The following PRKG1 variants were observed in gnomAD, a reference collection of about 807,000 sequenced individuals.
PRKG1 encodes the protein protein kinase cGMP-dependent 1.
PRKG1 carries 35 observed loss-of-function variants against 88.1 expected under a neutral mutation model. The ratio of observed to expected loss-of-function variants is 0.40; its 90% confidence interval spans 0.30 to 0.53. The LOEUF (loss-of-function observed/expected upper bound fraction) is 0.53. Among genes scored for constraint, PRKG1 ranks in the 20% least tolerant of loss-of-function variants. PRKG1 has a pLI of 0.59. For missense variants in PRKG1, 540 were observed against 839.8 expected, an observed-to-expected ratio of 0.64 and a Z score of 4.41; for synonymous variants, 303 against 292.5, an observed-to-expected ratio of 1.04 and a Z score of -0.37.
chr10:51,900,906 C>A (rs1334795599), intron 4 of PRKG1, among the ~76,000 whole-genome samples: 1 of 151,914 alleles, frequency 6.6e-6, no homozygotes, highest in Non-Finnish European at 1.5e-5. Flanking sequence ...CACACAATAT[C>A]AAAAACATGT....
intron 5 of PRKG1, among the ~76,000 whole-genome samples, chr10:51,956,514 C>T (rs1843306662): frequency 6.6e-6 from 1 of 151,846 alleles, no homozygotes; most frequent in South Asian, 2.1e-4. Flanking sequence ...TCCAAGATTC[C>T]ACCATTAATC....
intron 4 of PRKG1, among the ~76,000 whole-genome samples, chr10:51,874,598 G>A (rs1057267731): frequency 2.6e-5 from 4 of 152,074 alleles, no homozygotes; most frequent in Admixed American, 2.6e-4. Flanking sequence ...AAGCTTTGCT[G>A]GTACCTTAGC....
chr10:51,349,534 T>A (rs1253311471), intron 2 of PRKG1, among the ~76,000 whole-genome samples: 1 of 150,150 alleles, frequency 6.7e-6, no homozygotes, highest in African/African-American at 2.5e-5. Context: ...TTAGATGAAG[T>A]CTTGCTCTGA....
intron 7 of PRKG1, among the ~76,000 whole-genome samples, chr10:52,096,971 C>T (rs1847187596): frequency 6.6e-6 from 1 of 152,074 alleles, no homozygotes; most frequent in Non-Finnish European, 1.5e-5. Context: ...TATGCATTAT[C>T]TAAGTTAATT....
intron 4 of PRKG1, among the ~76,000 whole-genome samples, chr10:51,857,632 G>GTTATT (rs1198279574): frequency 6.6e-6 from 1 of 152,088 alleles, no homozygotes; most frequent in Non-Finnish European, 1.5e-5. Context: ...TTGTTTGCGT[G>GTTATT]TTATTTTATT....
rs776744635 is a variant in PRKG1 at position 51,804,741 on chromosome 10, T to A, written c.698+51T>A. ...AGAGTGTTTACTTTCCTTTTAGCCC[T>A]ATTATCTGAAATGCAGCACCCTGAA... On this transcript the variant is annotated intron_variant, in intron 4 of 17. Transcript: ENST00000373980. The A allele has an allele frequency of 3.8e-6, 5 of 1,327,826 alleles. No homozygotes were observed. In the East Asian group the frequency reaches 1.2e-4, roughly 31 times the overall value. The allele number at this position is 1,327,826 out of a possible 1,614,324, so 82.3% of individuals were successfully genotyped here. A position where few individuals can be genotyped will look rare whatever the true frequency, so the allele number is the denominator to read the frequency against.
intron 2 of PRKG1, among the ~76,000 whole-genome samples, chr10:51,270,668 A>G (rs966754444): frequency 6.6e-6 from 1 of 151,850 alleles, no homozygotes; most frequent in Non-Finnish European, 1.5e-5. Context: ...GAAAAAAATC[A>G]GTTTTTTAAA....
At chr10:51,617,102 T>A (rs943914751) in intron 3 of PRKG1, among the ~76,000 whole-genome samples, 3 of 152,092 alleles carry the variant, frequency 2.0e-5, no homozygotes, top group African/African-American at 7.2e-5. Flanking sequence ...GTATGTTAGT[T>A]TTGAGACCCA....
chr10:52,148,957 C>CTTTTTTTTTTTTTTTTTTT (rs71904885), intron 8 of PRKG1, among the ~76,000 whole-genome samples: 2 of 55,160 alleles, frequency 3.6e-5, no homozygotes, highest in African/African-American at 1.5e-4. Flanking sequence ...GATAGTTTTG[C>CTTTTTTTTTTTTTTTTTTT]TTTTTTTTTT....
intron 3 of PRKG1, among the ~76,000 whole-genome samples, chr10:51,536,757 G>A (rs1842161762): frequency 6.6e-6 from 1 of 151,064 alleles, no homozygotes; most frequent in Admixed American, 6.6e-5. Context: ...CCATTAACTC[G>A]TCATTTAGCA....
intron 2 of PRKG1, among the ~76,000 whole-genome samples, chr10:51,380,008 T>G (rs774625500): frequency 3.3e-5 from 5 of 152,312 alleles, no homozygotes; most frequent in Middle Eastern, 6.8e-3. Context: ...AGAGATACTG[T>G]GCTGTTTTCA....
intron 2 of PRKG1, among the ~76,000 whole-genome samples, chr10:51,214,590 T>C (rs1256749808): frequency 6.6e-6 from 1 of 152,060 alleles, no homozygotes; most frequent in Non-Finnish European, 1.5e-5. Flanking sequence ...CAAATGATTC[T>C]CCCACCTCTA....
chr10:52,262,717 A>G (rs1200618489), intron 10 of PRKG1, among the ~76,000 whole-genome samples: 3 of 152,028 alleles, frequency 2.0e-5, no homozygotes, highest in African/African-American at 7.2e-5. Flanking sequence ...GTCCTCACCA[A>G]TACCTCTTCC....
chr10:51,392,917 C>T (rs1346957083), intron 2 of PRKG1, among the ~76,000 whole-genome samples: 1 of 74,758 alleles, frequency 1.3e-5, no homozygotes, highest in African/African-American at 3.7e-5. Flanking sequence ...GCTGACCACC[C>T]CCACCTCCCT....
intron 3 of PRKG1, among the ~76,000 whole-genome samples, chr10:51,590,641 T>C (rs1312090475): frequency 1.3e-5 from 2 of 152,094 alleles, no homozygotes; most frequent in African/African-American, 4.8e-5. Context: ...TAAAATCAAT[T>C]CTCCCCACTC....
intron 2 of PRKG1, among the ~76,000 whole-genome samples, chr10:51,442,377 A>G (rs536463206): frequency 8.7e-4 from 133 of 152,066 alleles, no homozygotes; most frequent in African/African-American, 2.2e-3. Context: ...TTATGATGGC[A>G]GTTCTGTTTC....
chr10:52,033,960 C>G, intron 5 of PRKG1, among the ~76,000 whole-genome samples: 1 of 119,130 alleles, frequency 8.4e-6, no homozygotes, highest in South Asian at 3.2e-4. Context: ...CAGTGGGGGT[C>G]GCAAGGTGCT....
Position 51,569,531 on chromosome 10 carries a change from C to T in PRKG1, c.592+101695C>T, listed in dbSNP as rs140811566. ...TAAAATGCTTTGTGTACTAAGCACT[C>T]GGATGAGTACTTTATATACTTTATC... On this transcript the variant is annotated intron_variant, in intron 3 of 17. Transcript: ENST00000373980. 3.1e-4 allele frequency among the ~76,000 whole-genome samples: 47 copies of T among 152,064 alleles called. No homozygotes were observed. The East Asian group carries it at 6.8e-3, about 22-fold the overall frequency.
chr10:52,141,203 A>G (rs1396501786), intron 8 of PRKG1, among the ~76,000 whole-genome samples: 1 of 152,196 alleles, frequency 6.6e-6, no homozygotes, highest in Admixed American at 6.6e-5. Context: ...TTTAGAAGAA[A>G]GAGTAACATT....
Sources: allele counts gnomAD v4.1 joint callset (sites outside exome capture counted in the v4.1 genomes callset), GRCh38; gene constraint gnomAD v4.1.1; transcripts MANE v1.5; gene names NCBI Gene and HGNC (gene_info 2026-07-23, HGNC 2026-07-21).